Variants in TDRD9 observed in about 807,000 individuals in gnomAD.
TDRD9 encodes the protein tudor domain containing 9.
A neutral mutation model predicts 172.6 loss-of-function variants in TDRD9; 124 were observed. That is an observed-to-expected ratio of 0.72 (90% CI 0.62 to 0.83). The LOEUF (loss-of-function observed/expected upper bound fraction) is 0.83, where lower values mean the gene tolerates loss of function less well. Ranked by LOEUF, TDRD9 falls within the 40% of genes least tolerant of loss-of-function variation. The probability of loss-of-function intolerance (pLI) is 0.00; values close to 1 mark genes in which losing one functional copy is unlikely to be tolerated. For missense variants in TDRD9, 1,479 were observed against 1,714.1 expected (o/e 0.86, Z 2.42); for synonymous variants, 619 against 617.1 (o/e 1.00, Z -0.05).
chr14:103,930,681 G>A (rs1490666148), intron 1 of TDRD9, among the ~76,000 whole-genome samples: 2 of 152,150 alleles, frequency 1.3e-5, no homozygotes, highest in African/African-American at 2.4e-5. Context: ...GTTGCTGTTT[G>A]TATGTTTGCA....
At chr14:103,999,637 TTTTAGAAAAC>T (rs2034184382) in intron 13 of TDRD9, among the ~76,000 whole-genome samples, 56 of 128,562 alleles carry the variant, frequency 4.4e-4, no homozygotes, top group African/African-American at 7.2e-4. Context: ...TTTGTTTGTT[TTTTAGAAAAC>T]CTTTTGGGAA....
intron 1 of TDRD9, among the ~76,000 whole-genome samples, chr14:103,952,226 T>A (rs1242156229): frequency 5.2e-3 from 93 of 17,814 alleles, no homozygotes; most frequent in South Asian, 0.012. Context: ...ATATATTTTT[T>A]TTTTTTTTTT....
intron 33 of TDRD9, 35 bp downstream of exon 33, chr14:104,040,369 T>C (rs1429469639): frequency 2.7e-6 from 4 of 1,488,756 alleles, no homozygotes; most frequent in Non-Finnish European, 3.6e-6. Context: ...ACCACAACCC[T>C]GTCTCTCTCT....
At chr14:103,971,873 C>A (rs954141906) in intron 6 of TDRD9, among the ~76,000 whole-genome samples, 2 of 152,088 alleles carry the variant, frequency 1.3e-5, no homozygotes, top group South Asian at 4.1e-4. Flanking sequence ...GTGAATGAAG[C>A]TGGGTGGTAC....
At chr14:103,957,860 A>G (rs1456295296) in intron 2 of TDRD9, among the ~76,000 whole-genome samples, 1 of 152,152 alleles carries the variant, frequency 6.6e-6, no homozygotes, top group Non-Finnish European at 1.5e-5. Context: ...TAGATTACAA[A>G]TGAATGCCTG....
chr14:103,983,056 CTTTTTTT>C (rs397853010), intron 7 of TDRD9, among the ~76,000 whole-genome samples: 25 of 87,642 alleles, frequency 2.9e-4, no homozygotes, highest in South Asian at 5.2e-4. Flanking sequence ...CTGTGGGTCA[CTTTTTTT>C]TTTTTTTTTT....
intron 13 of TDRD9, among the ~76,000 whole-genome samples, chr14:103,998,947 C>A (rs2152209173): frequency 6.6e-6 from 1 of 152,280 alleles, no homozygotes; most frequent in Admixed American, 6.5e-5. Context: ...CGCCTGCCAC[C>A]ACGCCTGGCT....
chr14:104,048,326 A>G (rs1399137411), intron 34 of TDRD9, among the ~76,000 whole-genome samples: 1 of 151,814 alleles, frequency 6.6e-6, no homozygotes. Context: ...GCAGCCTTGA[A>G]CTCCTGGGCT....
intron 18 of TDRD9, 99 bp downstream of exon 18, chr14:104,006,944 T>C: frequency 8.8e-7 from 1 of 1,139,942 alleles, no homozygotes. Flanking sequence ...CAATGTTTTA[T>C]CTAGTGAAAG....
Position 104,024,658 on chromosome 14 carries a change from T to G in TDRD9, c.2696T>G (p.Leu899Arg). 1 of 1,605,662 alleles carries G rather than the reference T, an allele frequency of 6.2e-7. No homozygotes were observed. The highest frequency in any genetic ancestry group is 1.3e-5 in the African/African-American group (1 of 74,836). ...SDRSQTVTDL[L>R]LTIDVTEVVE... ...AGGTCCCAGACAGTTACAGATCTCCTTCTAACTATTGATGTCACAGAGGTA... is the reference window on the plus strand; with the variant it reads ...AGGTCCCAGACAGTTACAGATCTCCGTCTAACTATTGATGTCACAGAGGTA... Residue 899 changes from leucine to arginine, a missense_variant, in exon 25 of 36, where the codon CTT (leucine) becomes CGT (arginine). Coordinates refer to ENST00000409874, the MANE Select transcript of TDRD9 (RefSeq NM_153046.3).
intron 12 of TDRD9, 94 bp from the exon 13 acceptor site, chr14:103,998,530 A>T (rs2034138441): frequency 1.3e-6 from 1 of 765,070 alleles, no homozygotes; most frequent in South Asian, 1.6e-5. Flanking sequence ...TTAAGGCTGC[A>T]TGTTTCAAAT....
At position 104,006,528 on chromosome 14, in the gene TDRD9, G is replaced by C; in HGVS notation, c.1853G>C (p.Gly618Ala). The C allele has an allele frequency of 3.1e-6, 5 of 1,613,814 alleles. No individual in the cohort carries two copies. The highest frequency in any genetic ancestry group is 4.2e-6 in the Non-Finnish European group (5 of 1,179,754). ...CTCATAGTCCTTGGACATGTATTTG[G>C]ATGTCTAGATGAATGTCTTATTATA... ...GKLIVLGHVF[G>A]CLDECLIIAA... is the part of the protein sequence containing the mutation. The change falls in exon 16 of 36, where the codon GGA (glycine) becomes GCA (alanine). Residue 618 changes from glycine (G) to alanine (A), a missense_variant. This residue lies in a region of TDRD9 where 1,413 missense variants were observed against 1,649.1 expected (regional missense o/e 0.86). Coordinates refer to ENST00000409874, the MANE Select transcript of TDRD9 (RefSeq NM_153046.3).
At position 104,014,777 on chromosome 14, in the gene TDRD9, A is replaced by G. The variant is rs377026174; in HGVS notation, c.2159A>G (p.His720Arg). The G allele has an allele frequency of 2.5e-6, 4 of 1,612,770 alleles. No individual in the cohort carries two copies. The highest frequency in any genetic ancestry group is 1.1e-5 in the South Asian group (1 of 91,006). ...LKTRISQFNM[H>R]VDSRRPVMDQ... ...ACTAGAATCTCACAGTTCAACATGC[A>G]TGTTGATTCTCGGCGACCTGTCATG... The change falls in exon 21 of 36, where the codon CAT (histidine) becomes CGT (arginine). Residue 720 changes from histidine (H) to arginine (R), a missense_variant. Coordinates refer to ENST00000409874, the MANE Select transcript of TDRD9 (RefSeq NM_153046.3).
chr14:103,972,298 C>T (rs1595932491), intron 6 of TDRD9, among the ~76,000 whole-genome samples: 2 of 140,268 alleles, frequency 1.4e-5, no homozygotes, highest in South Asian at 4.5e-4. Context: ...CAGAGAGAGA[C>T]TGCATTTAAA....
chr14:103,978,163 G>C (rs76160587), intron 7 of TDRD9, among the ~76,000 whole-genome samples: 1 of 151,734 alleles, frequency 6.6e-6, no homozygotes, highest in African/African-American at 2.4e-5. Context: ...GATCTTTTTT[G>C]GTTCCATATG....
At chr14:103,939,632 G>A (rs1022325108) in intron 1 of TDRD9, among the ~76,000 whole-genome samples, 2 of 133,824 alleles carry the variant, frequency 1.5e-5, no homozygotes, top group African/African-American at 5.4e-5. Flanking sequence ...AGTTGAAAAT[G>A]GTACACAAGT....
rs1468204289 is a variant in TDRD9 at position 104,040,442 on chromosome 14, C to A, written c.3855+108C>A. 7 of 1,220,898 alleles carry A rather than the reference C, an allele frequency of 5.7e-6. No individual in the cohort carries two copies. The African/African-American group carries it at 1.1e-4, about 19-fold the overall frequency. 75.6% of individuals were successfully genotyped at this position (1,220,898 alleles called of 1,614,324 possible). On this transcript the variant is annotated intron_variant, in intron 33 of 35. Coordinates refer to ENST00000409874, the MANE Select transcript of TDRD9 (RefSeq NM_153046.3). Reference sequence around the variant, plus strand: ...TGGAGCTCGCGGTGCAGACACACACCTCTGGTCCTGGAGATGTGCACGTTC... The same window carrying A: ...TGGAGCTCGCGGTGCAGACACACACATCTGGTCCTGGAGATGTGCACGTTC...
rs2033441852 is a variant in TDRD9, at chr14:103,980,778, A to G, written c.1011+5225A>G. Among the ~76,000 whole-genome samples the G allele has an allele frequency of 6.6e-6, 1 of 152,096 alleles. No homozygotes were observed. Among genetic ancestry groups the G allele is most frequent in the Non-Finnish European group, 1.5e-5 (1 of 68,008 alleles). On this transcript the variant is annotated intron_variant, in intron 7 of 35. Coordinates refer to ENST00000409874, the MANE Select transcript of TDRD9 (RefSeq NM_153046.3). The surrounding 1 kb of genome is among the most constrained non-coding windows in gnomAD (Gnocchi z 4.5). ...CGGCTAGACCATGGTCCGCTTGGCA[A>G]CGGGCGTCTTCCCAGATGCTGGCAT...
intron 7 of TDRD9, among the ~76,000 whole-genome samples, chr14:103,984,914 C>T (rs759275128): frequency 2.0e-5 from 3 of 152,218 alleles, no homozygotes; most frequent in Non-Finnish European, 4.4e-5. Context: ...GCTCTTGCAT[C>T]AGTGTGACTT....
Sources: allele counts gnomAD v4.1 joint callset (sites outside exome capture counted in the v4.1 genomes callset), GRCh38; gene constraint gnomAD v4.1.1; regional missense constraint gnomAD v4.1.1; non-coding constraint Gnocchi (gnomAD v3.1); transcripts MANE v1.5; gene names NCBI Gene and HGNC (gene_info 2026-07-23, HGNC 2026-07-21).